Variants in CFAP299 observed in about 807,000 individuals in gnomAD.
CFAP299 encodes the protein cilia and flagella associated protein 299, also known as cilia- and flagella-associated protein 299.
CFAP299 carries 21 observed loss-of-function variants against 27.0 expected under a neutral mutation model. The observed-to-expected ratio is 0.78, with a 90% CI of 0.55 to 1.12. The LOEUF is 1.12. Ranked by LOEUF, CFAP299 falls within the 50% of genes most tolerant of loss-of-function variation. The pLI is 0.00. For missense variants in CFAP299, 310 were observed against 276.6 expected (o/e 1.12, Z -0.86); for synonymous variants, 104 against 98.1 (o/e 1.06, Z -0.36).
Position 80,611,643 on chromosome 4 carries a change from G to T in CFAP299, c.333+28460G>T, listed in dbSNP as rs139943914. On this transcript the variant is annotated intron_variant, in intron 3 of 5. Coordinates refer to ENST00000358105, the MANE Select transcript of CFAP299 (RefSeq NM_152770.3). ...GCATTGGGACACTTGTAGGAAGCAG[G>T]GTTCAAATCAAAATTGCAATTTGCT... Among the ~76,000 whole-genome samples the T allele has an allele frequency of 9.9e-5, 15 of 152,030 alleles. No individual in the cohort carries two copies. In the East Asian group the frequency reaches 2.7e-3, roughly 27 times the overall value.
chr4:80,843,905 C>T (rs2110141205), intron 3 of CFAP299, among the ~76,000 whole-genome samples: 1 of 151,568 alleles, frequency 6.6e-6, no homozygotes, highest in Admixed American at 6.6e-5. Context: ...ATGTATCCCT[C>T]CCCACTCTCC....
intron 3 of CFAP299, among the ~76,000 whole-genome samples, chr4:80,677,545 A>C (rs1464214113): frequency 6.6e-6 from 1 of 152,048 alleles, no homozygotes; most frequent in Non-Finnish European, 1.5e-5. Context: ...ATGAAAGAAA[A>C]AAATATATCA....
rs139728233 is a variant in CFAP299 at position 80,950,507 on chromosome 4, C to T, written c.606+5568C>T. Among the ~76,000 whole-genome samples, 850 of 152,116 alleles carry T rather than the reference C, an allele frequency of 5.6e-3. 5 individuals are homozygous for T. The highest frequency in any genetic ancestry group is 0.019 in the African/African-American group (802 of 41,492). ...AAAAACAAGTTAATGAAAGAGATAG[C>T]ATTTGAACTGGGTCTGGAAGGGTGG... is the stretch of plus-strand genomic sequence containing the variant. On this transcript the variant is annotated intron_variant, in intron 5 of 5. Transcript: ENST00000358105.
intron 2 of CFAP299, among the ~76,000 whole-genome samples, chr4:80,572,280 G>A (rs1735618649): frequency 6.7e-6 from 1 of 149,752 alleles, no homozygotes; most frequent in South Asian, 2.1e-4. Flanking sequence ...TATTCATTCT[G>A]TTTTTTTTTG....
intron 4 of CFAP299, among the ~76,000 whole-genome samples, chr4:80,940,707 A>G (rs1737149054): frequency 6.6e-6 from 1 of 152,068 alleles, no homozygotes; most frequent in Non-Finnish European, 1.5e-5. Context: ...TACCTTCGTG[A>G]GTTTTTTCAG....
intron 4 of CFAP299, among the ~76,000 whole-genome samples, chr4:80,943,813 A>C (rs1229598666): frequency 6.6e-6 from 1 of 152,176 alleles, no homozygotes; most frequent in Admixed American, 6.5e-5. Context: ...TCACGCCTGT[A>C]ATCCCAACAC....
intron 1 of CFAP299, among the ~76,000 whole-genome samples, chr4:80,349,089 G>A (rs545340098): frequency 3.3e-5 from 5 of 152,266 alleles, no homozygotes; most frequent in South Asian, 2.1e-4. Flanking sequence ...TCAGGTGCTC[G>A]TGACCCTGCC....
At chr4:80,767,700 A>G (rs1324836666) in intron 3 of CFAP299, among the ~76,000 whole-genome samples, 2 of 152,220 alleles carry the variant, frequency 1.3e-5, no homozygotes, top group Non-Finnish European at 2.9e-5. Context: ...AATTGCTGAA[A>G]GGAAATCACA....
At chr4:80,894,004 G>A (rs1378648992) in intron 4 of CFAP299, among the ~76,000 whole-genome samples, 1 of 151,452 alleles carries the variant, frequency 6.6e-6, no homozygotes, top group East Asian at 1.9e-4. Context: ...AGAAACACAA[G>A]CAACTCAGCA....
At chr4:80,768,301 G>C (rs1726010416) in intron 3 of CFAP299, among the ~76,000 whole-genome samples, 1 of 152,136 alleles carries the variant, frequency 6.6e-6, no homozygotes, top group Non-Finnish European at 1.5e-5. Flanking sequence ...GAATGTATCT[G>C]TTTGTTAATT....
At chr4:80,333,045 C>T (rs1376829776), upstream of CFAP299, among the ~76,000 whole-genome samples, 1 of 152,110 alleles carries the variant, frequency 6.6e-6, no homozygotes. Flanking sequence ...ATCTGTCAAC[C>T]CCAGTCCTGG....
At chr4:80,870,751 C>T in intron 4 of CFAP299, 1 of 985,404 alleles carries the variant, frequency 1.0e-6, no homozygotes. Flanking sequence ...CTATAGAACC[C>T]CAAAATTAAG....
At chr4:80,523,252 A>T (rs1414034059) in intron 2 of CFAP299, among the ~76,000 whole-genome samples, 1 of 152,104 alleles carries the variant, frequency 6.6e-6, no homozygotes, top group South Asian at 2.1e-4. Flanking sequence ...GCTATTGTAA[A>T]TGGGACTGTT....
intron 2 of CFAP299, among the ~76,000 whole-genome samples, chr4:80,378,643 A>G (rs907315503): frequency 2.0e-5 from 3 of 152,042 alleles, no homozygotes; most frequent in African/African-American, 7.2e-5. Flanking sequence ...CTGTCAGATG[A>G]TATTTTTCTG....
chr4:80,584,090 A>G (rs765980873), intron 3 of CFAP299, among the ~76,000 whole-genome samples: 1 of 152,042 alleles, frequency 6.6e-6, no homozygotes, highest in Non-Finnish European at 1.5e-5. Context: ...CCGACTTAAA[A>G]TAAGGGAAAA....
chr4:80,700,322 A>C (rs1422731553), intron 3 of CFAP299, among the ~76,000 whole-genome samples: 2 of 152,172 alleles, frequency 1.3e-5, no homozygotes, highest in Non-Finnish European at 2.9e-5. Context: ...ACTACTTAGA[A>C]CAATGAATGG....
chr4:80,420,468 G>A (rs1727240394), intron 2 of CFAP299: 1 of 277,084 alleles, frequency 3.6e-6, no homozygotes, highest in East Asian at 8.2e-5. Flanking sequence ...TCTAACAAAT[G>A]TGAAGTGATA....
At chr4:80,782,736 C>CATATATAATAT (rs1726995406) in intron 3 of CFAP299, among the ~76,000 whole-genome samples, 2 of 113,204 alleles carry the variant, frequency 1.8e-5, no homozygotes, top group African/African-American at 5.8e-5. Flanking sequence ...ATAATATATT[C>CATATATAATAT]ACATATGGCA....
chr4:80,929,972 T>C (rs1259339745), intron 4 of CFAP299, among the ~76,000 whole-genome samples: 1 of 152,182 alleles, frequency 6.6e-6, no homozygotes, highest in East Asian at 1.9e-4. Flanking sequence ...GTGATGTCTT[T>C]CTGTATGCTA....
Sources: allele counts gnomAD v4.1 joint callset (sites outside exome capture counted in the v4.1 genomes callset), GRCh38; gene constraint gnomAD v4.1.1; transcripts MANE v1.5; gene names NCBI Gene and HGNC (gene_info 2026-07-23, HGNC 2026-07-21).